SH3D19: variants seen among roughly 807,000 people sequenced by gnomAD.
SH3D19 encodes SH3 domain-containing protein 19.
In SH3D19, 58 loss-of-function variants were observed where a neutral mutation model predicts 112.1. The ratio of observed to expected loss-of-function variants is 0.52; its 90% CI spans 0.42 to 0.64. The LOEUF (loss-of-function observed/expected upper bound fraction) is 0.64. Ranked by LOEUF, SH3D19 falls within the 30% of genes least tolerant of loss-of-function variation. SH3D19 has a pLI of 0.00. For synonymous variants in SH3D19, 391 were observed against 448.5 expected (o/e 0.87, Z 1.62); for missense variants, 1,090 against 1,263.4 (o/e 0.86, Z 2.08).
At chr4:151,267,291 C>A (rs191563175) in intron 1 of SH3D19, among the ~76,000 whole-genome samples, 2 of 151,950 alleles carry the variant, frequency 1.3e-5, no homozygotes, top group South Asian at 2.1e-4. Flanking sequence ...GCTGTGATTG[C>A]GCCACTACAC....
intron 1 of SH3D19, among the ~76,000 whole-genome samples, chr4:151,269,593 T>G (rs1773086096): frequency 6.6e-6 from 1 of 152,164 alleles, no homozygotes; most frequent in African/African-American, 2.4e-5. Context: ...GTTTAAGTCT[T>G]TAATCCATCT....
chr4:151,139,691 G>A, intron 13 of SH3D19, 84 bp downstream of exon 13: 1 of 1,197,280 alleles, frequency 8.4e-7, no homozygotes, highest in Non-Finnish European at 1.2e-6. Flanking sequence ...GAAGAAGGAT[G>A]TCCTTGAGAG....
chr4:151,194,312 C>A (rs1296434894), intron 2 of SH3D19, among the ~76,000 whole-genome samples: 1 of 151,736 alleles, frequency 6.6e-6, no homozygotes, highest in East Asian at 1.9e-4. Context: ...CAGGCATGAG[C>A]CACCGCCCCC....
chr4:151,239,358 C>T (rs1770378911), intron 1 of SH3D19, among the ~76,000 whole-genome samples: 3 of 152,176 alleles, frequency 2.0e-5, no homozygotes, highest in South Asian at 2.1e-4. Flanking sequence ...TGAGTCCTCT[C>T]CACACCTCTG....
chr4:151,132,732 C>G (rs1019076427), intron 16 of SH3D19, among the ~76,000 whole-genome samples: 2 of 152,140 alleles, frequency 1.3e-5, no homozygotes, highest in Non-Finnish European at 2.9e-5. Flanking sequence ...AACTCCTGGT[C>G]TCAGGCAATC....
At chr4:151,323,290 G>A (rs1452025441) in intron 1 of SH3D19, among the ~76,000 whole-genome samples, 2 of 152,044 alleles carry the variant, frequency 1.3e-5, no homozygotes, top group African/African-American at 4.8e-5. Flanking sequence ...AGGGAAGGAG[G>A]GAGCACTGAG....
At chr4:151,131,563 T>G (rs1750714117) in intron 17 of SH3D19, among the ~76,000 whole-genome samples, 1 of 151,726 alleles carries the variant, frequency 6.6e-6, no homozygotes, top group Non-Finnish European at 1.5e-5. Context: ...CTTGGCTCAC[T>G]GCAAACTCTG....
At chr4:151,317,448 T>A (rs1730097356) in intron 1 of SH3D19, among the ~76,000 whole-genome samples, 1 of 152,184 alleles carries the variant, frequency 6.6e-6, no homozygotes, top group African/African-American at 2.4e-5. Flanking sequence ...GATGAAAAGC[T>A]GAAATGACCT....
chr4:151,127,613 C>T lies in SH3D19; in HGVS notation c.3027+5G>A, dbSNP rs1039689370. The stretch of plus-strand genomic sequence containing the variant: ...ATGCAGTTATGAAGAGATACACATT[C>T]TGACCTTGAAGGAAAGTTCATCTTC... On this transcript the variant is annotated splice_donor_5th_base_variant and intron_variant, in intron 19 of 19. Coordinates refer to ENST00000604030, the MANE Select transcript of SH3D19 (RefSeq NM_001378122.1). The T allele has an allele frequency of 1.4e-5, 22 of 1,568,784 alleles. No individual in the cohort carries two copies. The highest frequency in any genetic ancestry group is 1.8e-5 in the Non-Finnish European group (21 of 1,154,872).
intron 1 of SH3D19, among the ~76,000 whole-genome samples, chr4:151,268,236 T>C (rs990648605): frequency 4.6e-5 from 7 of 152,190 alleles, no homozygotes; most frequent in South Asian, 2.1e-4. Context: ...TATCTAAACA[T>C]AGAAAAGGTA....
intron 2 of SH3D19, among the ~76,000 whole-genome samples, chr4:151,211,570 TGTTA>T (rs996073476): frequency 9.3e-6 from 1 of 107,708 alleles, no homozygotes; most frequent in African/African-American, 2.6e-5. Context: ...TTAGCAAATC[TGTTA>T]ATTAAAAAAA....
intron 2 of SH3D19, among the ~76,000 whole-genome samples, chr4:151,214,623 C>A (rs867420038): frequency 0.015 from 882 of 57,312 alleles, 62 homozygotes; most frequent in Non-Finnish European, 0.034. Context: ...GGGCGGCTGG[C>A]CGGGCGGGGG....
intron 1 of SH3D19, among the ~76,000 whole-genome samples, chr4:151,314,769 C>T (rs1413468969): frequency 6.6e-6 from 1 of 152,168 alleles, no homozygotes; most frequent in Non-Finnish European, 1.5e-5. Context: ...ATCTAATCAG[C>T]AGGGACTGCA....
At chr4:151,314,183 T>C (rs370225209) in intron 1 of SH3D19, among the ~76,000 whole-genome samples, 2 of 152,318 alleles carry the variant, frequency 1.3e-5, no homozygotes, top group East Asian at 1.9e-4. Flanking sequence ...AGCAATGCAA[T>C]TGTTAATCTA....
At chr4:151,168,729 GGC>G (rs1561271229) in intron 7 of SH3D19, among the ~76,000 whole-genome samples, 1 of 152,026 alleles carries the variant, frequency 6.6e-6, no homozygotes, top group Non-Finnish European at 1.5e-5. Flanking sequence ...CACTGTGCCT[GGC>G]CTGAAGTGCT....
chr4:151,225,390 G>A (rs1012713517), intron 2 of SH3D19, among the ~76,000 whole-genome samples: 1 of 152,146 alleles, frequency 6.6e-6, no homozygotes, highest in Non-Finnish European at 1.5e-5. Context: ...TCACCTATAA[G>A]TTTGACAAGG....
chr4:151,291,336 T>A, intron 1 of SH3D19: 1 of 1,613,892 alleles, frequency 6.2e-7, no homozygotes, highest in Non-Finnish European at 8.5e-7. Context: ...CTCTCCTGCG[T>A]CCCTCCTGTG....
chr4:151,150,344 C>CATAT (rs143319190), intron 9 of SH3D19, among the ~76,000 whole-genome samples: 4 of 142,346 alleles, frequency 2.8e-5, no homozygotes, highest in Non-Finnish European at 4.6e-5. Flanking sequence ...TATACACACA[C>CATAT]ATATATATAT....
At chr4:151,295,091 G>A (rs897642640) in intron 1 of SH3D19, among the ~76,000 whole-genome samples, 16 of 152,248 alleles carry the variant, frequency 1.1e-4, no homozygotes, top group Non-Finnish European at 1.3e-4. Flanking sequence ...AGACCAGAAA[G>A]AAAGGGAGCA....
Sources: gnomAD v4.1 joint callset for allele counts (sites outside exome capture counted in the v4.1 genomes callset) on GRCh38, gnomAD v4.1.1 for gene constraint, MANE v1.5 for transcripts, NCBI Gene and HGNC (gene_info 2026-07-23, HGNC 2026-07-21) for gene names.